RAPGEF2: variants seen among roughly 807,000 people sequenced by gnomAD.
The protein encoded by RAPGEF2 is PDZ domain containing guanine nucleotide exchange factor (GEF) 1.
Under a neutral mutation model 186.7 loss-of-function variants are expected in RAPGEF2, and 54 were observed. The observed-to-expected ratio is 0.29, with a 90% CI of 0.23 to 0.36. The LOEUF (loss-of-function observed/expected upper bound fraction) is 0.36, where lower values mean the gene tolerates loss of function less well. Ranked by LOEUF, RAPGEF2 falls within the 10% of genes least tolerant of loss-of-function variation. The pLI, the probability that RAPGEF2 is intolerant of heterozygous loss-of-function variation, is 1.00. For synonymous variants in RAPGEF2, 712 were observed against 705.9 expected (o/e 1.01, Z -0.14); for missense variants, 1,532 against 2,045.0 (o/e 0.75, Z 4.84).
rs148330740 is a variant in RAPGEF2, at chr4:159,216,746, A to G, written c.281+6163A>G. 7.7e-4 allele frequency among the ~76,000 whole-genome samples: 117 copies of G among 152,270 alleles called. 3 individuals carry two copies. In the East Asian group the frequency reaches 0.021, roughly 27 times the overall value. ...GAAGGTTGAAAGAAATGTGCATATCATGTATTTGCACCACGTTGACTGTGT... is the reference window on the plus strand; with the variant it reads ...GAAGGTTGAAAGAAATGTGCATATCGTGTATTTGCACCACGTTGACTGTGT... On this transcript the variant is annotated intron_variant, in intron 4 of 29. Coordinates refer to ENST00000691494, the MANE Select transcript of RAPGEF2 (RefSeq NM_001394067.2).
At chr4:159,141,539 C>G (rs1307105357) in intron 1 of RAPGEF2, among the ~76,000 whole-genome samples, 1 of 151,882 alleles carries the variant, frequency 6.6e-6, no homozygotes, top group African/African-American at 2.4e-5. Context: ...TGAGTAGATG[C>G]ATAGCTTAGG....
At chr4:159,234,915 A>G (rs1255899540) in intron 4 of RAPGEF2, among the ~76,000 whole-genome samples, 1 of 152,096 alleles carries the variant, frequency 6.6e-6, no homozygotes, top group African/African-American at 2.4e-5. Flanking sequence ...GCCTGCCATC[A>G]TGCCTGGCTA....
intron 1 of RAPGEF2, among the ~76,000 whole-genome samples, chr4:159,149,075 G>A (rs1340488346): frequency 6.6e-6 from 1 of 152,126 alleles, no homozygotes; most frequent in African/African-American, 2.4e-5. Context: ...CAATTGACTT[G>A]ACTAAGCCAC....
rs116239269 is a variant in RAPGEF2, at chr4:159,163,419, G to T, written c.70-23223G>T. Among the ~76,000 whole-genome samples, 496 of 152,208 alleles carry T rather than the reference G, an allele frequency of 3.3e-3. 4 individuals carry two copies. Among genetic ancestry groups the T allele is most frequent in the African/African-American group, 0.012 (480 of 41,508 alleles). The stretch of plus-strand genomic sequence containing the variant: ...AGAATTACTTTGCTTTTCTGGGGTG[G>T]TAAAAATGGTTGTTTATACTGATAG... On this transcript the variant is annotated intron_variant, in intron 1 of 29. Coordinates refer to ENST00000691494, the MANE Select transcript of RAPGEF2 (RefSeq NM_001394067.2).
intron 7 of RAPGEF2, among the ~76,000 whole-genome samples, chr4:159,245,078 T>G (rs1410104426): frequency 2.0e-5 from 3 of 152,016 alleles, no homozygotes; most frequent in Admixed American, 2.0e-4. Flanking sequence ...CCAGTCTAAT[T>G]CCAACTTAGA....
At chr4:159,195,815 C>A (rs989145614) in intron 3 of RAPGEF2, among the ~76,000 whole-genome samples, 1 of 146,534 alleles carries the variant, frequency 6.8e-6, no homozygotes, top group African/African-American at 2.5e-5. Flanking sequence ...GACTGCCTAA[C>A]AATTATTATT....
At chr4:159,298,686 A>G (rs1454391202) in intron 7 of RAPGEF2, among the ~76,000 whole-genome samples, 3 of 152,194 alleles carry the variant, frequency 2.0e-5, no homozygotes, top group Admixed American at 1.3e-4. Context: ...TGAGTTCCAG[A>G]GGGAGTGAAA....
chr4:159,162,439 T>C (rs1744812691), intron 1 of RAPGEF2, among the ~76,000 whole-genome samples: 1 of 151,672 alleles, frequency 6.6e-6, no homozygotes, highest in Admixed American at 6.6e-5. Context: ...TTGAAAAAAT[T>C]AATTATTATA....
In RAPGEF2 at chr4:159,204,487, C is replaced by T. The variant is rs77299128; in HGVS notation, c.198-6013C>T. 7.2e-3 allele frequency among the ~76,000 whole-genome samples: 1,095 copies of T among 152,212 alleles called. 11 individuals carry two copies. The highest frequency in any genetic ancestry group is 0.025 in the African/African-American group (1,042 of 41,542). ...AAGTATTTCCCTCATGCCCATTATTCTTTGTTTAGACTTGGGATAATGCTC... is the reference window on the plus strand; with the variant it reads ...AAGTATTTCCCTCATGCCCATTATTTTTTGTTTAGACTTGGGATAATGCTC... On this transcript the variant is annotated intron_variant, in intron 3 of 29. Transcript: ENST00000691494.
chr4:159,212,735 A>G (rs1385699907), intron 4 of RAPGEF2, among the ~76,000 whole-genome samples: 1 of 152,226 alleles, frequency 6.6e-6, no homozygotes, highest in Non-Finnish European at 1.5e-5. Context: ...TTTATGTCTT[A>G]AAAAGAGCAC....
At chr4:159,356,585 G>A (rs1732047074) in intron 29 of RAPGEF2, among the ~76,000 whole-genome samples, 1 of 152,152 alleles carries the variant, frequency 6.6e-6, no homozygotes, top group South Asian at 2.1e-4. Context: ...TAAAATTGAA[G>A]TACTTCTGTG....
intron 11 of RAPGEF2, chr4:159,329,550 G>A (rs1766382228): frequency 5.9e-6 from 1 of 168,822 alleles, no homozygotes; most frequent in Non-Finnish European, 1.3e-5. Context: ...CCCTACTGCA[G>A]TGTTTTTTAA....
At chr4:159,276,448 A>T (rs1758887585) in intron 7 of RAPGEF2, among the ~76,000 whole-genome samples, 1 of 152,232 alleles carries the variant, frequency 6.6e-6, no homozygotes, top group Non-Finnish European at 1.5e-5. Context: ...ATTTACCTAA[A>T]TATAAAAATA....
At chr4:159,181,789 G>A (rs540174799) in intron 1 of RAPGEF2, among the ~76,000 whole-genome samples, 8 of 152,158 alleles carry the variant, frequency 5.3e-5, no homozygotes, top group Admixed American at 2.0e-4. Flanking sequence ...CACCCGCCTC[G>A]GCCTCCCAGA....
intron 2 of RAPGEF2, among the ~76,000 whole-genome samples, chr4:159,192,381 A>G (rs1031638185): frequency 1.3e-5 from 2 of 152,208 alleles, no homozygotes; most frequent in African/African-American, 2.4e-5. Flanking sequence ...GGGTGATTCT[A>G]GTGTTTCACA....
At chr4:159,317,177 CA>C (rs200788747) in intron 9 of RAPGEF2, among the ~76,000 whole-genome samples, 8 of 147,104 alleles carry the variant, frequency 5.4e-5, no homozygotes, top group Non-Finnish European at 7.5e-5. Flanking sequence ...AAATTAAAGG[CA>C]AAAAAAAACC....
rs1471242544 is a variant in RAPGEF2, at chr4:159,330,449, T to C, written c.1418T>C (p.Val473Ala). Residue 473 changes from valine (V) to alanine (A), a missense_variant, in exon 13 of 30, where the codon GTG becomes GCG. By Grantham distance (64) the Val-to-Ala change is moderately conservative. Coordinates refer to ENST00000691494, the MANE Select transcript of RAPGEF2 (RefSeq NM_001394067.2). ...YRTFLSSPMEVGKKLLEWFND... is the reference protein window; with the variant it reads ...YRTFLSSPMEAGKKLLEWFND... ...ACTTTTCTTTCTAGCCCAATGGAAG[T>C]GGGCAAAAAGTTATTGGAGTGGTTT... 6.2e-6 allele frequency: 10 copies of C among 1,607,536 alleles called. No individual in the cohort carries two copies. Among genetic ancestry groups the C allele is most frequent in the Non-Finnish European group, 1.7e-6 (2 of 1,178,330 alleles).
At chr4:159,312,561 C>G (rs1238806168) in intron 8 of RAPGEF2, among the ~76,000 whole-genome samples, 1 of 152,048 alleles carries the variant, frequency 6.6e-6, no homozygotes, top group Non-Finnish European at 1.5e-5. Flanking sequence ...TGTCACAGTT[C>G]TGTCTGTATG....
intron 1 of RAPGEF2, among the ~76,000 whole-genome samples, chr4:159,133,835 G>A (rs1373067359): frequency 2.0e-5 from 3 of 151,978 alleles, no homozygotes; most frequent in East Asian, 1.9e-4. Context: ...CGCCCGCCTC[G>A]GCCTCCCAAA....
Sources: gnomAD v4.1 joint callset for allele counts (sites outside exome capture counted in the v4.1 genomes callset) on GRCh38, gnomAD v4.1.1 for gene constraint, MANE v1.5 for transcripts, NCBI Gene and HGNC (gene_info 2026-07-23, HGNC 2026-07-21) for gene names.